IL34: variants seen among roughly 807,000 people sequenced by gnomAD.
The protein encoded by IL34 is interleukin 34.
In IL34, 17 loss-of-function variants were observed where a neutral mutation model predicts 25.3. The ratio of observed to expected loss-of-function variants is 0.67; its 90% confidence interval spans 0.46 to 1.01. IL34 has a LOEUF of 1.01. Among genes scored for constraint, IL34 ranks in the 50% least tolerant of loss-of-function variants. The probability of loss-of-function intolerance (pLI) is 0.00; values close to 1 mark genes in which losing one functional copy is unlikely to be tolerated. For missense variants in IL34, 368 were observed against 312.9 expected (o/e 1.18, Z -1.33); for synonymous variants, 174 against 140.9 (o/e 1.23, Z -1.66).
intron 1 of IL34, among the ~76,000 whole-genome samples, chr16:70,621,904 G>A (rs1209564480): frequency 1.3e-5 from 2 of 151,964 alleles, no homozygotes; most frequent in Non-Finnish European, 2.9e-5. Flanking sequence ...GCAAGGACCG[G>A]CCATTTACAC....
chr16:70,623,182 A>C (rs2051317197), intron 1 of IL34, among the ~76,000 whole-genome samples: 1 of 152,022 alleles, frequency 6.6e-6, no homozygotes, highest in Admixed American at 6.6e-5. Flanking sequence ...AGCCCAGGTA[A>C]TTTGCTGAGC....
At chr16:70,611,386 C>T (rs1398412256) in intron 1 of IL34, among the ~76,000 whole-genome samples, 1 of 152,046 alleles carries the variant, frequency 6.6e-6, no homozygotes, top group Non-Finnish European at 1.5e-5. Flanking sequence ...GCTGGAGATA[C>T]CTGGGAGTTT....
intron 1 of IL34, among the ~76,000 whole-genome samples, chr16:70,631,438 G>C (rs1448946043): frequency 6.6e-6 from 1 of 152,068 alleles, no homozygotes; most frequent in Non-Finnish European, 1.5e-5. Flanking sequence ...ATTTATTCTT[G>C]TTTTTATTAA....
At chr16:70,584,314 G>A (rs189931020) in intron 1 of IL34, among the ~76,000 whole-genome samples, 15 of 152,308 alleles carry the variant, frequency 9.8e-5, no homozygotes, top group Admixed American at 3.3e-4. Flanking sequence ...CCCAGGGGCT[G>A]CCTGGACAGC....
intron 1 of IL34, among the ~76,000 whole-genome samples, chr16:70,653,662 C>T (rs557890813): frequency 4.6e-5 from 7 of 152,050 alleles, no homozygotes; most frequent in Non-Finnish European, 8.8e-5. Flanking sequence ...CCCACTACTG[C>T]ACTCCAGCCA....
chr16:70,660,015 T>A lies in IL34; in HGVS notation c.557T>A (p.Leu186Gln). 6.3e-7 allele frequency: 1 copy of A among 1,597,676 alleles called. No individual in the cohort carries two copies. Among genetic ancestry groups the A allele is most frequent in the Non-Finnish European group, 8.5e-7 (1 of 1,174,724 alleles). Residue 186 changes from leucine (L) to glutamine (Q), a missense_variant, in exon 6 of 6, where the codon CTA becomes CAA. Leu to Gln is a moderately radical substitution (Grantham distance 113). Coordinates refer to ENST00000288098, the MANE Select transcript of IL34 (RefSeq NM_001393494.1). ...CTTGCAGGTAAACAAAGCTCCGTCCTAAACTGGCAGGACTGTGAGGTGCCA... is the reference window on the plus strand; with the variant it reads ...CTTGCAGGTAAACAAAGCTCCGTCCAAAACTGGCAGGACTGTGAGGTGCCA... ...YCSCCKQSSV[L>Q]NWQDCEVPSP...
chr16:70,645,297 G>A (rs559244807), upstream of IL34, among the ~76,000 whole-genome samples: 29 of 152,286 alleles, frequency 1.9e-4, no homozygotes, highest in East Asian at 9.6e-4. Context: ...ATAAGGCCCT[G>A]CCTGCCTGCT....
chr16:70,657,115 C>A lies in IL34; in HGVS notation c.396C>A (p.Gly132=), dbSNP rs776158317. 5 of 1,612,324 alleles carry A rather than the reference C, an allele frequency of 3.1e-6. No homozygotes were observed. In the East Asian group the frequency reaches 8.9e-5, roughly 29 times the overall value. Residue 132 remains glycine (G), a synonymous_variant, in exon 4 of 6, where the codon GGC becomes GGA. Coordinates refer to ENST00000288098, the MANE Select transcript of IL34 (RefSeq NM_001393494.1). ...CGCTGCTGCTGAATGTCCAGCAGGG[C>A]CTCACGGTGAGTTGTGTGGAGGAGT... ...VETLLLNVQQ[G]LTDVEVSPKV... is the part of the protein sequence containing the mutation.
intron 1 of IL34, among the ~76,000 whole-genome samples, chr16:70,635,365 C>G (rs7191249): frequency 8.0e-4 from 122 of 152,170 alleles, no homozygotes; most frequent in African/African-American, 2.9e-3. Flanking sequence ...TGCAGCCTAC[C>G]CTGCTAGTTT....
intron 1 of IL34, among the ~76,000 whole-genome samples, chr16:70,651,485 T>TG (rs2052076963): frequency 6.6e-6 from 1 of 152,062 alleles, no homozygotes; most frequent in Admixed American, 6.6e-5. Flanking sequence ...TGGGGCTATA[T>TG]GGGGTACAGG....
At chr16:70,638,071 C>A (rs1254826007) in intron 1 of IL34, among the ~76,000 whole-genome samples, 2 of 152,134 alleles carry the variant, frequency 1.3e-5, no homozygotes, top group Non-Finnish European at 2.9e-5. Flanking sequence ...CTGGGTCTTT[C>A]TCCATACTAC....
intron 1 of IL34, among the ~76,000 whole-genome samples, chr16:70,587,445 A>T (rs1263165940): frequency 1.3e-5 from 2 of 151,604 alleles, no homozygotes; most frequent in African/African-American, 4.8e-5. Flanking sequence ...AATTTTTTAT[A>T]TTTTTTTAGT....
intron 1 of IL34, among the ~76,000 whole-genome samples, chr16:70,593,723 T>G (rs1171226920): frequency 6.6e-6 from 1 of 152,072 alleles, no homozygotes; most frequent in Non-Finnish European, 1.5e-5. Context: ...GATGGGGTCT[T>G]GCTGTGTTGC....
At chr16:70,614,207 G>A (rs537092684) in intron 1 of IL34, among the ~76,000 whole-genome samples, 1 of 151,150 alleles carries the variant, frequency 6.6e-6, no homozygotes, top group Non-Finnish European at 1.5e-5. Context: ...AAGAAGTGCA[G>A]TATCCCAGGC....
intron 1 of IL34, among the ~76,000 whole-genome samples, chr16:70,624,258 A>T (rs12598172): frequency 6.6e-6 from 1 of 150,946 alleles, no homozygotes; most frequent in Non-Finnish European, 1.5e-5. Flanking sequence ...GCTCCTGGGG[A>T]AGGAGGTTCT....
intron 1 of IL34, among the ~76,000 whole-genome samples, chr16:70,607,226 C>T (rs560275869): frequency 4.6e-5 from 7 of 152,250 alleles, no homozygotes; most frequent in Admixed American, 2.6e-4. Flanking sequence ...CTCAGCCTCC[C>T]GAGTAGCCGG....
chr16:70,588,988 ATATAAATGTATT>A (rs1018403962), intron 1 of IL34, among the ~76,000 whole-genome samples: 1 of 152,164 alleles, frequency 6.6e-6, no homozygotes, highest in African/African-American at 2.4e-5. Flanking sequence ...TAACACAATA[ATATAAATGTATT>A]TAATGCCACT....
At chr16:70,634,981 T>C (rs1167670919) in intron 1 of IL34, among the ~76,000 whole-genome samples, 1 of 152,230 alleles carries the variant, frequency 6.6e-6, no homozygotes, top group Non-Finnish European at 1.5e-5. Context: ...TCCAGTCTTC[T>C]GTTGGCAGAT....
chr16:70,618,790 G>A (rs561881304), intron 1 of IL34, among the ~76,000 whole-genome samples: 2 of 152,268 alleles, frequency 1.3e-5, no homozygotes, highest in Admixed American at 6.5e-5. Flanking sequence ...TAACAGATGA[G>A]GAAGAAATTT....
Sources: gnomAD v4.1 joint callset for allele counts (sites outside exome capture counted in the v4.1 genomes callset) on GRCh38, gnomAD v4.1.1 for gene constraint, MANE v1.5 for transcripts, NCBI Gene and HGNC (gene_info 2026-07-23, HGNC 2026-07-21) for gene names.